Variants in PAX8 observed in about 807,000 individuals in gnomAD.
The protein encoded by PAX8 is paired box 8.
In PAX8, 15 loss-of-function variants were observed where a neutral mutation model predicts 52.4. The ratio of observed to expected loss-of-function variants is 0.29; its 90% CI spans 0.19 to 0.44. PAX8 has a LOEUF of 0.44. PAX8 is among the 20% of genes least tolerant of loss of function. The pLI, the probability that PAX8 is intolerant of heterozygous loss-of-function variation, is 1.00. For synonymous variants in PAX8, 284 were observed against 249.7 expected (o/e 1.14, Z -1.29); for missense variants, 554 against 602.5 (o/e 0.92, Z 0.84).
intron 3 of PAX8, among the ~76,000 whole-genome samples, chr2:113,246,546 A>G (rs1367941637): frequency 6.6e-6 from 1 of 152,308 alleles, no homozygotes; most frequent in East Asian, 1.9e-4. Flanking sequence ...ATGGACAAAG[A>G]AAGAAGGAAG....
chr2:113,231,069 G>C (rs1032468943), intron 9 of PAX8, among the ~76,000 whole-genome samples: 1 of 152,244 alleles, frequency 6.6e-6, no homozygotes, highest in African/African-American at 2.4e-5. Context: ...TCAGAGGGTA[G>C]AGGTGATTTC....
At position 113,236,737 on chromosome 2, in the gene PAX8, A is replaced by G. The variant is rs1399246720; in HGVS notation, c.778-16T>C. 6.4e-7 allele frequency: 1 copy of G among 1,551,274 alleles called. No homozygotes were observed. ...GGTAGAGGCCCTGGGGAGCAAAGAG[A>G]AGTCAGCGCACAGAGACGATCCAAC... On this transcript the variant is annotated splice_polypyrimidine_tract_variant and intron_variant, in intron 7 of 11. Transcript: ENST00000429538.
intron 2 of PAX8, among the ~76,000 whole-genome samples, chr2:113,257,231 G>T (rs540562125): frequency 2.6e-5 from 4 of 152,250 alleles, no homozygotes; most frequent in Admixed American, 6.5e-5. Flanking sequence ...TGCCTGGAGG[G>T]GTAGGAAATA....
intron 2 of PAX8, among the ~76,000 whole-genome samples, chr2:113,277,778 A>T (rs1693926953): frequency 6.6e-6 from 1 of 152,118 alleles, no homozygotes. Context: ...CGAGCGGCTT[A>T]GTCCTCACCA....
intron 2 of PAX8, among the ~76,000 whole-genome samples, chr2:113,248,294 A>G (rs1013254570): frequency 4.6e-5 from 7 of 152,228 alleles, no homozygotes; most frequent in African/African-American, 1.7e-4. Flanking sequence ...TAAGGCTCAG[A>G]TCAGGGCTGC....
At chr2:113,258,333 T>TG (rs760567390) in intron 2 of PAX8, among the ~76,000 whole-genome samples, 16 of 152,236 alleles carry the variant, frequency 1.1e-4, no homozygotes, top group Non-Finnish European at 2.2e-4. Context: ...TTTCCGGCTC[T>TG]GGGTTTGCAT....
chr2:113,272,595 TG>T, intron 2 of PAX8: 1 of 152,302 alleles, frequency 6.6e-6, no homozygotes, highest in South Asian at 2.1e-4. Flanking sequence ...AGGATTGGTG[TG>T]GCAGAGTGGA....
At chr2:113,240,017 G>A (rs968180119) in intron 7 of PAX8, 2 of 152,208 alleles carry the variant, frequency 1.3e-5, no homozygotes, top group African/African-American at 4.8e-5. Context: ...GGGTCCTTTG[G>A]GGGGCTTAGG....
chr2:113,268,118 A>G (rs1336275874), intron 2 of PAX8: 1 of 152,266 alleles, frequency 6.6e-6, no homozygotes, highest in Admixed American at 6.5e-5. Context: ...AGTGTTGTAC[A>G]TATGCTGTGT....
intron 2 of PAX8, chr2:113,259,279 C>G (rs1045129914): frequency 1.3e-5 from 2 of 152,694 alleles, no homozygotes; most frequent in Non-Finnish European, 1.5e-5. Flanking sequence ...ATGCTTCCCC[C>G]TCTGTGAATG....
intron 10 of PAX8, among the ~76,000 whole-genome samples, chr2:113,221,983 GAAAT>G (rs1348910668): frequency 2.0e-5 from 3 of 152,208 alleles, no homozygotes; most frequent in African/African-American, 4.8e-5. Flanking sequence ...AAAAACCTAA[GAAAT>G]AATCTAATCG....
At chr2:113,241,819 G>C (rs1267299868) in intron 6 of PAX8, 93 bp from the exon 7 acceptor site, 1 of 1,527,164 alleles carries the variant, frequency 6.5e-7, no homozygotes, top group Admixed American at 1.7e-5. Flanking sequence ...CTGACTCACT[G>C]TGGAGGGAGA....
At chr2:113,241,379 C>G in intron 7 of PAX8, 172 bp downstream of exon 7, 1 of 725,980 alleles carries the variant, frequency 1.4e-6, no homozygotes, top group East Asian at 2.7e-5. Flanking sequence ...AGGAAGATGC[C>G]AGGGCATCTG....
intron 2 of PAX8, 79 bp downstream of exon 2, chr2:113,278,291 G>T: frequency 8.4e-7 from 1 of 1,191,266 alleles, no homozygotes; most frequent in Non-Finnish European, 1.2e-6. Context: ...TGACGCTCTC[G>T]AGATCCAACC....
Position 113,229,081 on chromosome 2 carries a change from TG to T in PAX8, c.1088-1826del, listed in dbSNP as rs565906679. Among the ~76,000 whole-genome samples, 20 of 152,314 alleles carry T rather than the reference TG, an allele frequency of 1.3e-4. No individual in the cohort carries two copies. In the South Asian group the frequency reaches 4.1e-3, roughly 32 times the overall value. On this transcript the variant is annotated intron_variant, in intron 9 of 11. Transcript: ENST00000429538. ...CACTAAATCAAGAAGGGACATAGGCTGGGATAGGCATTTGGAGCCAAGCCCA... is the reference window on the plus strand; with the variant it reads ...CACTAAATCAAGAAGGGACATAGGCTGGATAGGCATTTGGAGCCAAGCCCA...
At chr2:113,238,637 A>T (rs1690562465) in intron 7 of PAX8, 1 of 152,234 alleles carries the variant, frequency 6.6e-6, no homozygotes, top group Admixed American at 6.5e-5. Flanking sequence ...GCAGAGCAGC[A>T]CAATGCTTCA....
chr2:113,238,624 G>A (rs557997361), intron 7 of PAX8: 10 of 152,214 alleles, frequency 6.6e-5, no homozygotes, highest in Admixed American at 1.3e-4. Flanking sequence ...AACTTGAATC[G>A]GGGCAGAGCA....
At chr2:113,245,045 G>GTTTTTT (rs11460401) in intron 3 of PAX8, among the ~76,000 whole-genome samples, 3 of 135,696 alleles carry the variant, frequency 2.2e-5, no homozygotes, top group Non-Finnish European at 1.7e-5. Flanking sequence ...GGTTTTTTTT[G>GTTTTTT]TTTTTTTTTT....
chr2:113,235,381 C>G lies in PAX8; in HGVS notation c.1087+13G>C. The G allele has an allele frequency of 1.3e-6, 2 of 1,560,104 alleles. No homozygotes were observed. Among genetic ancestry groups the G allele is most frequent in the Non-Finnish European group, 8.7e-7 (1 of 1,152,272 alleles). ...CGCCATAGCTGCATGGCCCCGGGAC[C>G]TCCCTGTCGTACCTGAGAGGAGGGC... is the stretch of plus-strand genomic sequence containing the variant. On this transcript the variant is annotated intron_variant, in intron 9 of 11. Coordinates refer to ENST00000429538, the MANE Select transcript of PAX8 (RefSeq NM_003466.4).
Sources: gnomAD v4.1 joint callset for allele counts (sites outside exome capture counted in the v4.1 genomes callset) on GRCh38, gnomAD v4.1.1 for gene constraint, MANE v1.5 for transcripts, NCBI Gene and HGNC (gene_info 2026-07-23, HGNC 2026-07-21) for gene names.